The following SLC13A2 variants were observed in gnomAD, a reference collection of about 807,000 sequenced individuals.
SLC13A2 encodes the protein Na(+)-coupled citrate transporter.
SLC13A2 carries 40 observed loss-of-function variants against 58.5 expected under a neutral mutation model. That is an observed-to-expected ratio of 0.68 (90% CI 0.53 to 0.89). The LOEUF is 0.89. Among genes scored for constraint, SLC13A2 ranks in the 40% least tolerant of loss-of-function variants. The probability of loss-of-function intolerance (pLI) is 0.00; values close to 1 mark genes in which losing one functional copy is unlikely to be tolerated. For missense variants in SLC13A2, 694 were observed against 772.6 expected, an observed-to-expected ratio of 0.90 and a Z score of 1.21; for synonymous variants, 341 against 331.6, an observed-to-expected ratio of 1.03 and a Z score of -0.31.
At position 28,494,163 on chromosome 17, in the gene SLC13A2, G is replaced by A; in HGVS notation, c.1186+58G>A. On this transcript the variant is annotated intron_variant, in intron 8 of 11. Coordinates refer to ENST00000314669, the MANE Select transcript of SLC13A2 (RefSeq NM_003984.4). The surrounding 1 kb of genome is among the most constrained non-coding windows in gnomAD (Gnocchi z 4.0). ...CCGGGCAGCCCCTGCCTTCAAGTAT[G>A]TAATGTACCTTCCACCACACTTGGC... 3.2e-6 allele frequency: 5 copies of A among 1,539,184 alleles called. No individual in the cohort carries two copies. The highest frequency in any genetic ancestry group is 4.5e-6 in the Non-Finnish European group (5 of 1,113,204).
At chr17:28,495,957 C>T in intron 10 of SLC13A2, 141 bp downstream of exon 10, 1 of 1,151,828 alleles carries the variant, frequency 8.7e-7, no homozygotes, top group South Asian at 1.5e-5. Flanking sequence ...TTCCATCCTT[C>T]TCCAGGCTCT....
intron 1 of SLC13A2, 76 bp from the exon 2 acceptor site, chr17:28,489,138 G>T (rs1180628791): frequency 1.3e-5 from 20 of 1,550,166 alleles, no homozygotes; most frequent in African/African-American, 2.7e-5. Flanking sequence ...GGCCTGGTTT[G>T]TCTGACAGAC....
Position 28,494,589 on chromosome 17 carries a change from T to C in SLC13A2, c.1308+77T>C. On this transcript the variant is annotated intron_variant, in intron 9 of 11. Transcript: ENST00000314669. The surrounding 1 kb of genome is among the most constrained non-coding windows in gnomAD (Gnocchi z 4.0). Reference sequence around the variant, plus strand: ...AGGGAGAGAGGGGGCCCTGCTTCTGTCCCACAGAGGGGAGACCTGGTCCCC... The same window carrying C: ...AGGGAGAGAGGGGGCCCTGCTTCTGCCCCACAGAGGGGAGACCTGGTCCCC... 6.3e-7 allele frequency: 1 copy of C among 1,594,318 alleles called. No homozygotes were observed. The highest frequency in any genetic ancestry group is 8.5e-7 in the Non-Finnish European group (1 of 1,169,970).
In SLC13A2 at chr17:28,493,553, C is replaced by A; in HGVS notation, c.879-18C>A. 1 of 1,586,224 alleles carries A rather than the reference C, an allele frequency of 6.3e-7. No homozygotes were observed. Among genetic ancestry groups the A allele is most frequent in the South Asian group, 1.1e-5 (1 of 87,000 alleles). ...TGGAGCAGGCCCCCCACGAGCTGCCCCGTCCCTCTGCCTGCAGCTTCCGGA... is the reference window on the plus strand; with the variant it reads ...TGGAGCAGGCCCCCCACGAGCTGCCACGTCCCTCTGCCTGCAGCTTCCGGA... On this transcript the variant is annotated intron_variant, in intron 6 of 11. Transcript: ENST00000314669.
At position 28,490,589 on chromosome 17, in the gene SLC13A2, C is replaced by T; in HGVS notation, c.367C>T (p.Pro123Ser). The T allele has an allele frequency of 6.3e-7, 1 of 1,595,788 alleles. No homozygotes were observed. Among genetic ancestry groups the T allele is most frequent in the Non-Finnish European group, 8.6e-7 (1 of 1,167,184 alleles). The change falls in exon 3 of 12, where the codon CCG (proline) becomes TCG (serine). Residue 123 changes from proline to serine, a missense_variant and splice_region_variant. By Grantham distance (74) the Pro-to-Ser change is moderately conservative. Coordinates refer to ENST00000314669, the MANE Select transcript of SLC13A2 (RefSeq NM_003984.4). ...VLLIVGVRPA[P>S]LILGFMLVTA... ...CCTCATCGTTGGGGTGCGGCCTGCC[C>T]CGTGAGTTCCTCCTGCAAACCAGCA...
intron 7 of SLC13A2, 97 bp downstream of exon 7, chr17:28,493,886 A>C: frequency 6.7e-7 from 1 of 1,489,564 alleles, no homozygotes; most frequent in Non-Finnish European, 9.3e-7. Flanking sequence ...ACAGGAGGTA[A>C]CACTTGGTGG....
chr17:28,478,800 A>G (rs1417714840), intron 1 of SLC13A2, among the ~76,000 whole-genome samples: 1 of 152,236 alleles, frequency 6.6e-6, no homozygotes, highest in Non-Finnish European at 1.5e-5. Flanking sequence ...GTTAGTGAAC[A>G]TAGAACTCAG....
rs782439292 is a variant in SLC13A2 at position 28,490,796 on chromosome 17, T to C, written c.464T>C (p.Val155Ala). The change falls in exon 4 of 12, where the codon GTC (valine) becomes GCC (alanine). Residue 155 changes from valine to alanine, a missense_variant. Coordinates refer to ENST00000314669, the MANE Select transcript of SLC13A2 (RefSeq NM_003984.4). ...SAMMVPIAHA[V>A]LDQLHSSQAS... ...ATGATGGTGCCCATCGCACATGCCGTCCTGGACCAGCTGCACAGCTCGCAA... is the reference window on the plus strand; with the variant it reads ...ATGATGGTGCCCATCGCACATGCCGCCCTGGACCAGCTGCACAGCTCGCAA... The C allele has an allele frequency of 1.2e-6, 2 of 1,614,056 alleles. No homozygotes were observed. The highest frequency in any genetic ancestry group is 1.7e-6 in the Non-Finnish European group (2 of 1,180,030).
At chr17:28,481,105 G>A (rs919829335) in intron 1 of SLC13A2, among the ~76,000 whole-genome samples, 1 of 152,192 alleles carries the variant, frequency 6.6e-6, no homozygotes, top group Non-Finnish European at 1.5e-5. Flanking sequence ...CACCCTCTTC[G>A]ACAGTAAAGT....
intron 2 of SLC13A2, among the ~76,000 whole-genome samples, chr17:28,489,549 G>C (rs1390857532): frequency 6.6e-6 from 1 of 152,172 alleles, no homozygotes; most frequent in South Asian, 2.1e-4. Flanking sequence ...GTTCATTCAA[G>C]GTGAGAGTGA....
chr17:28,493,974 C>T, intron 7 of SLC13A2, 43 bp from the exon 8 acceptor site: 3 of 1,587,552 alleles, frequency 1.9e-6, no homozygotes, highest in Non-Finnish European at 2.6e-6. Flanking sequence ...TGAGCAACCC[C>T]AAGCGGCTAA....
At position 28,479,038 on chromosome 17, in the gene SLC13A2, C is replaced by A. The variant is rs150532319; in HGVS notation, c.102+5224C>A. ...TTCAAGACCAGCCTGGGCAACATGG[C>A]AAGACCCTGTCTCCTCACTAAAAAA... On this transcript the variant is annotated intron_variant, in intron 1 of 11. Coordinates refer to ENST00000314669, the MANE Select transcript of SLC13A2 (RefSeq NM_003984.4). 1.5e-3 allele frequency among the ~76,000 whole-genome samples: 227 copies of A among 152,092 alleles called. 2 individuals carry two copies. Among genetic ancestry groups the A allele is most frequent in the African/African-American group, 5.1e-3 (211 of 41,488 alleles).
intron 1 of SLC13A2, among the ~76,000 whole-genome samples, chr17:28,488,006 T>C (rs782102835): frequency 2.6e-5 from 4 of 152,198 alleles, no homozygotes; most frequent in African/African-American, 4.8e-5. Flanking sequence ...CCACTTTTTT[T>C]TAATAGTTCT....
At position 28,490,744 on chromosome 17, in the gene SLC13A2, T is replaced by C; in HGVS notation, c.412T>C (p.Trp138Arg). 1 of 1,614,160 alleles carries C rather than the reference T, an allele frequency of 6.2e-7. No individual in the cohort carries two copies. Among genetic ancestry groups the C allele is most frequent in the Non-Finnish European group, 8.5e-7 (1 of 1,180,020 alleles). ...GCTGGTCACGGCCTTCCTGTCCATGTGGATCAGCAACACGGCCACCTCAGC... is the reference window on the plus strand; with the variant it reads ...GCTGGTCACGGCCTTCCTGTCCATGCGGATCAGCAACACGGCCACCTCAGC... ...FMLVTAFLSM[W>R]ISNTATSAMM... Residue 138 changes from tryptophan to arginine, a missense_variant, in exon 4 of 12, where the codon TGG becomes CGG. Trp to Arg is a moderately radical substitution (Grantham distance 101). Transcript: ENST00000314669.
In SLC13A2 at chr17:28,496,895, A is replaced by C. The variant is rs1314254050; in HGVS notation, c.1609-204A>C. On this transcript the variant is annotated intron_variant, in intron 11 of 11. Transcript: ENST00000314669. This position sits in a 1 kb window ranked among gnomAD's most constrained non-coding sequence, Gnocchi z 4.2. Reference sequence around the variant, plus strand: ...AACAAGCCCAGGGCCCTGGAAGCTCAGGAGGAGCGCCCCTTTCCCCTGTTA... The same window carrying C: ...AACAAGCCCAGGGCCCTGGAAGCTCCGGAGGAGCGCCCCTTTCCCCTGTTA... Among the ~76,000 whole-genome samples, 2 of 152,148 alleles carry C rather than the reference A, an allele frequency of 1.3e-5. No individual in the cohort carries two copies. Among genetic ancestry groups the C allele is most frequent in the Non-Finnish European group, 2.9e-5 (2 of 67,980 alleles).
intron 1 of SLC13A2, 152 bp downstream of exon 1, chr17:28,473,966 G>C: frequency 1.6e-6 from 1 of 642,008 alleles, no homozygotes; most frequent in South Asian, 2.0e-5. Flanking sequence ...CCTGAGGACT[G>C]AGGGCTAGGA....
chr17:28,479,081 G>A (rs1567845523), intron 1 of SLC13A2, among the ~76,000 whole-genome samples: 2 of 152,232 alleles, frequency 1.3e-5, no homozygotes, highest in East Asian at 1.9e-4. Context: ...AGGTGTGGTG[G>A]TGTGTGCCTG....
At chr17:28,482,807 C>T (rs1396398904) in intron 1 of SLC13A2, among the ~76,000 whole-genome samples, 3 of 152,232 alleles carry the variant, frequency 2.0e-5, no homozygotes, top group Non-Finnish European at 4.4e-5. Context: ...TCAGTACCCG[C>T]TCAAGGTTCC....
chr17:28,493,442 C>G, intron 6 of SLC13A2, 129 bp from the exon 7 acceptor site: 1 of 690,662 alleles, frequency 1.4e-6, no homozygotes, highest in Admixed American at 3.0e-5. Flanking sequence ...TCAGGCGGAG[C>G]TGGGGCCTGA....
Sources: allele counts gnomAD v4.1 joint callset (sites outside exome capture counted in the v4.1 genomes callset), GRCh38; gene constraint gnomAD v4.1.1; non-coding constraint Gnocchi (gnomAD v3.1); transcripts MANE v1.5; gene names NCBI Gene and HGNC (gene_info 2026-07-23, HGNC 2026-07-21).